Variants in CACNB2 observed in about 807,000 individuals in gnomAD.
CACNB2 encodes the protein calcium voltage-gated channel auxiliary subunit beta 2.
A neutral mutation model predicts 73.3 loss-of-function variants in CACNB2; 42 were observed. The ratio of observed to expected loss-of-function variants is 0.57; its 90% CI spans 0.45 to 0.74. CACNB2 has a LOEUF of 0.74. CACNB2 is among the 30% of genes least tolerant of loss of function. The pLI, the probability that CACNB2 is intolerant of heterozygous loss-of-function variation, is 0.00. For synonymous variants in CACNB2, 348 were observed against 310.3 expected (o/e 1.12, Z -1.28); for missense variants, 940 against 853.0 (o/e 1.10, Z -1.27).
At chr10:18,327,770 G>C (rs980504164) in intron 2 of CACNB2, among the ~76,000 whole-genome samples, 1 of 152,082 alleles carries the variant, frequency 6.6e-6, no homozygotes, top group Non-Finnish European at 1.5e-5. Context: ...CCTGTATTCT[G>C]CTGAAGACAG....
At chr10:18,262,345 A>G (rs150361534) in intron 2 of CACNB2, among the ~76,000 whole-genome samples, 151 of 152,316 alleles carry the variant, frequency 9.9e-4, no homozygotes, top group African/African-American at 3.4e-3. Flanking sequence ...AGAGATAACT[A>G]TACTGTCAAA....
intron 2 of CACNB2, among the ~76,000 whole-genome samples, chr10:18,169,235 C>T (rs1005534829): frequency 2.0e-5 from 3 of 151,970 alleles, no homozygotes; most frequent in Non-Finnish European, 4.4e-5. Flanking sequence ...GATCAGAAGT[C>T]AATGGTATAG....
intron 2 of CACNB2, among the ~76,000 whole-genome samples, chr10:18,335,424 G>GACA (rs921422871): frequency 1.3e-5 from 2 of 152,180 alleles, no homozygotes; most frequent in Admixed American, 1.3e-4. Context: ...AAAACAAGCA[G>GACA]ACAACAACAA....
At chr10:18,528,501 T>A (rs1360505948) in intron 10 of CACNB2, among the ~76,000 whole-genome samples, 1 of 152,198 alleles carries the variant, frequency 6.6e-6, no homozygotes, top group Admixed American at 6.5e-5. Context: ...GAGCTTAATT[T>A]TTCTCTGTTT....
At chr10:18,521,045 T>C (rs927605139) in intron 9 of CACNB2, among the ~76,000 whole-genome samples, 1 of 152,242 alleles carries the variant, frequency 6.6e-6, no homozygotes, top group African/African-American at 2.4e-5. Flanking sequence ...GTACTCAACA[T>C]GAGCAGTGGC....
At chr10:18,259,390 A>G (rs2037423548) in intron 2 of CACNB2, among the ~76,000 whole-genome samples, 1 of 151,512 alleles carries the variant, frequency 6.6e-6, no homozygotes. Context: ...ACAAAGTGAG[A>G]CCCCTGTCTC....
At chr10:18,456,090 C>A (rs550166522) in intron 3 of CACNB2, among the ~76,000 whole-genome samples, 3 of 152,204 alleles carry the variant, frequency 2.0e-5, no homozygotes, top group South Asian at 4.1e-4. Context: ...GTCAATTATT[C>A]TTCTTCCTCT....
At chr10:18,373,395 C>G (rs2042667566) in intron 2 of CACNB2, among the ~76,000 whole-genome samples, 1 of 152,180 alleles carries the variant, frequency 6.6e-6, no homozygotes, top group Non-Finnish European at 1.5e-5. Flanking sequence ...TTCAACCCAC[C>G]ATGATGATAG....
chr10:18,450,873 G>A (rs1320426343), intron 3 of CACNB2, among the ~76,000 whole-genome samples: 2 of 152,090 alleles, frequency 1.3e-5, no homozygotes, highest in Non-Finnish European at 1.5e-5. Context: ...CTGACCTCAG[G>A]TGATCCACCC....
intron 2 of CACNB2, among the ~76,000 whole-genome samples, chr10:18,362,175 C>T (rs147318366): frequency 2.0e-5 from 3 of 152,230 alleles, no homozygotes; most frequent in Admixed American, 6.5e-5. Context: ...AAGCCTCTTT[C>T]GAGTGTTTTT....
chr10:18,289,284 G>GTTTT lies in CACNB2; in HGVS notation c.214-112636_214-112633dup, dbSNP rs1489491866. Among the ~76,000 whole-genome samples, 397 of 85,502 alleles carry GTTTT rather than the reference G, an allele frequency of 4.6e-3. 64 individuals are homozygous for GTTTT. Among genetic ancestry groups the GTTTT allele is most frequent in the African/African-American group, 0.014 (239 of 17,136 alleles). 56.1% of individuals were successfully genotyped at this position (85,502 alleles called of 152,430 possible). ...GAAGTTGTCTTCATTTTTTTTTCTT[G>GTTTT]TTTTTTTGTTTTGTTTTTTTTTTTT... is the stretch of plus-strand genomic sequence containing the variant. On this transcript the variant is annotated intron_variant, in intron 2 of 13. Transcript: ENST00000324631.
intron 2 of CACNB2, among the ~76,000 whole-genome samples, chr10:18,179,386 G>C (rs943611586): frequency 1.3e-5 from 2 of 152,088 alleles, no homozygotes; most frequent in Non-Finnish European, 2.9e-5. Flanking sequence ...CCCTGCTCTT[G>C]TTCCTGTTTT....
chr10:18,220,286 A>T (rs1176708030), intron 2 of CACNB2, among the ~76,000 whole-genome samples: 10 of 98,094 alleles, frequency 1.0e-4, no homozygotes, highest in Non-Finnish European at 1.7e-4. Flanking sequence ...AAGAGAGAGA[A>T]TCTTATTCTG....
At chr10:18,264,797 A>C (rs901453158) in intron 2 of CACNB2, among the ~76,000 whole-genome samples, 1 of 152,180 alleles carries the variant, frequency 6.6e-6, no homozygotes, top group African/African-American at 2.4e-5. Context: ...GGTAGTTTCC[A>C]GTTTGGGGCT....
At chr10:18,381,688 C>CAA (rs200757952) in intron 2 of CACNB2, among the ~76,000 whole-genome samples, 13 of 78,462 alleles carry the variant, frequency 1.7e-4, no homozygotes, top group South Asian at 4.2e-4. Flanking sequence ...GACTCCGTCT[C>CAA]AAAAAAAAAA....
Position 18,518,969 on chromosome 10 carries a change from G to A in CACNB2, c.944+1G>A, listed in dbSNP as rs780224330. ...TTTTAAAACACAGATTTGAAGGGCGGTGAGTATTTCAGCATACTGGGTTTT... is the reference window on the plus strand; with the variant it reads ...TTTTAAAACACAGATTTGAAGGGCGATGAGTATTTCAGCATACTGGGTTTT... On this transcript the variant is annotated splice_donor_variant, in intron 9 of 13. Coordinates refer to ENST00000324631, the MANE Select transcript of CACNB2 (RefSeq NM_201596.3). LOFTEE classifies it high-confidence loss of function. 6.2e-7 allele frequency: 1 copy of A among 1,613,538 alleles called. No homozygotes were observed. The highest frequency in any genetic ancestry group is 1.1e-5 in the South Asian group (1 of 91,070).
At chr10:18,363,330 A>G (rs138008563) in intron 2 of CACNB2, among the ~76,000 whole-genome samples, 27 of 152,320 alleles carry the variant, frequency 1.8e-4, no homozygotes, top group African/African-American at 6.3e-4. Context: ...TTTCTGTACA[A>G]GCACCAAGCA....
intron 2 of CACNB2, among the ~76,000 whole-genome samples, chr10:18,278,530 A>G (rs1167174290): frequency 6.6e-6 from 1 of 151,720 alleles, no homozygotes; most frequent in Non-Finnish European, 1.5e-5. Context: ...CTATTGAGAG[A>G]AAAACAAAGA....
At chr10:18,448,861 C>T (rs1043564744) in intron 3 of CACNB2, among the ~76,000 whole-genome samples, 4 of 152,208 alleles carry the variant, frequency 2.6e-5, no homozygotes, top group African/African-American at 4.8e-5. Context: ...AGAGAGATGA[C>T]AGTCACTGGA....
Sources: gnomAD v4.1 joint callset for allele counts (sites outside exome capture counted in the v4.1 genomes callset) on GRCh38, gnomAD v4.1.1 for gene constraint, MANE v1.5 for transcripts, NCBI Gene and HGNC (gene_info 2026-07-23, HGNC 2026-07-21) for gene names.